The following AFAP1L1 variants were observed in gnomAD, a reference collection of about 807,000 sequenced individuals.
AFAP1L1 encodes actin filament-associated protein 1-like 1.
A neutral mutation model predicts 99.8 loss-of-function variants in AFAP1L1; 77 were observed. The observed-to-expected ratio is 0.77, with a 90% CI of 0.64 to 0.93. AFAP1L1 has a LOEUF of 0.93. AFAP1L1 is among the 40% of genes least tolerant of loss of function. AFAP1L1 has a pLI of 0.00. For missense variants in AFAP1L1, 893 were observed against 996.8 expected (o/e 0.90, Z 1.40); for synonymous variants, 373 against 395.3 (o/e 0.94, Z 0.67).
chr5:149,322,705 C>T lies in AFAP1L1; in HGVS notation c.1798C>T (p.Arg600Cys), dbSNP rs765120072. The T allele has an allele frequency of 2.6e-5, 41 of 1,583,536 alleles. No individual in the cohort carries two copies. In the East Asian group the frequency reaches 7.8e-4, roughly 30 times the overall value. ...HRVDPQVKVK[R>C]HASSANQYKY... The stretch of plus-strand genomic sequence containing the variant: ...TGTGGACCCGCAGGTCAAAGTCAAA[C>T]GCCACGCCTCCAGTGAGTTGTGTGT... Residue 600 changes from arginine (R) to cysteine (C), a missense_variant, in exon 15 of 19, where the codon CGC becomes TGC. Transcript: ENST00000296721.
In AFAP1L1 at chr5:149,299,567, C is replaced by T. The variant is rs1233995196; in HGVS notation, c.75C>T (p.Tyr25=). Reference sequence around the variant, plus strand: ...TGCTCAGCCTCCTGGACCACGAGTACCTCAGCGATACCACCCTGGAAAAGA... The same window carrying T: ...TGCTCAGCCTCCTGGACCACGAGTATCTCAGCGATACCACCCTGGAAAAGA... The part of the protein sequence containing the change: ...TGLLSLLDHE[Y]LSDTTLEKKM... Residue 25 remains tyrosine (Y), a synonymous_variant, in exon 2 of 19, where the codon TAC becomes TAT. Transcript: ENST00000296721. 1.9e-6 allele frequency: 3 copies of T among 1,614,042 alleles called. No homozygotes were observed. Among genetic ancestry groups the T allele is most frequent in the Non-Finnish European group, 2.5e-6 (3 of 1,180,010 alleles).
chr5:149,308,731 G>A (rs1756514644), intron 7 of AFAP1L1, among the ~76,000 whole-genome samples: 1 of 151,968 alleles, frequency 6.6e-6, no homozygotes, highest in African/African-American at 2.4e-5. Flanking sequence ...CAGTAGCTAG[G>A]ACCTCAAGCA....
intron 1 of AFAP1L1, chr5:149,276,541 C>T (rs1410452884): frequency 6.6e-6 from 1 of 152,216 alleles, no homozygotes; most frequent in Non-Finnish European, 1.5e-5. Context: ...GCAAATGGCA[C>T]CACCCGCAGA....
intron 4 of AFAP1L1, among the ~76,000 whole-genome samples, chr5:149,302,024 G>A (rs958232452): frequency 6.6e-6 from 1 of 152,262 alleles, no homozygotes; most frequent in Admixed American, 6.5e-5. Context: ...TCAGCACTCA[G>A]CTGCGGGTGG....
At chr5:149,281,993 T>A (rs1755533185) in intron 1 of AFAP1L1, among the ~76,000 whole-genome samples, 1 of 152,210 alleles carries the variant, frequency 6.6e-6, no homozygotes, top group South Asian at 2.1e-4. Flanking sequence ...GTATTCAGCA[T>A]TCATGAAGCT....
chr5:149,324,051 C>T (rs1370211736), intron 15 of AFAP1L1, among the ~76,000 whole-genome samples: 1 of 152,202 alleles, frequency 6.6e-6, no homozygotes, highest in Non-Finnish European at 1.5e-5. Context: ...TCCTGTTAGC[C>T]ATCACTGTGG....
chr5:149,299,599 C>T lies in AFAP1L1; in HGVS notation c.107C>T (p.Ala36Val). 3.1e-6 allele frequency: 5 copies of T among 1,614,182 alleles called. No individual in the cohort carries two copies. Among genetic ancestry groups the T allele is most frequent in the South Asian group, 1.1e-5 (1 of 91,084 alleles). The change falls in exon 2 of 19, where the codon GCC (alanine) becomes GTC (valine). Residue 36 changes from alanine (A) to valine (V), a missense_variant. Transcript: ENST00000296721. ...GATACCACCCTGGAAAAGAAGATGGCCGTGGCCTCCATCCTGCAGAGCCTG... is the reference window on the plus strand; with the variant it reads ...GATACCACCCTGGAAAAGAAGATGGTCGTGGCCTCCATCCTGCAGAGCCTG... Reference protein sequence around the residue: ...LSDTTLEKKMAVASILQSLQP... With the variant: ...LSDTTLEKKMVVASILQSLQP...
chr5:149,314,426 G>A (rs1029587001), intron 9 of AFAP1L1, among the ~76,000 whole-genome samples: 10 of 150,998 alleles, frequency 6.6e-5, no homozygotes, highest in Non-Finnish European at 1.2e-4. Flanking sequence ...AATGTTGGGG[G>A]TGGTATTTTG....
chr5:149,322,458 A>C, intron 14 of AFAP1L1, 148 bp from the exon 15 acceptor site: 2 of 548,262 alleles, frequency 3.6e-6, no homozygotes, highest in East Asian at 6.4e-5. Context: ...AAAGTGCTTT[A>C]TGATTTTTGA....
At chr5:149,299,831 T>C (rs1756135799) in intron 2 of AFAP1L1, among the ~76,000 whole-genome samples, 194 bp downstream of exon 2, 1 of 150,556 alleles carries the variant, frequency 6.6e-6, no homozygotes, top group Non-Finnish European at 1.5e-5. Context: ...CCTTGTCCAC[T>C]GGGGCCCCAC....
chr5:149,312,818 A>G (rs765279657), intron 9 of AFAP1L1, among the ~76,000 whole-genome samples: 21 of 150,906 alleles, frequency 1.4e-4, no homozygotes, highest in South Asian at 2.1e-4. Context: ...GAGAGAGAGA[A>G]AGAAAGAAAG....
intron 1 of AFAP1L1, among the ~76,000 whole-genome samples, chr5:149,284,733 G>A (rs1755624575): frequency 6.6e-6 from 1 of 152,168 alleles, no homozygotes; most frequent in Non-Finnish European, 1.5e-5. Flanking sequence ...TGGATGAGTT[G>A]TGAGCAGGAA....
At chr5:149,279,663 T>C (rs930006490) in intron 1 of AFAP1L1, among the ~76,000 whole-genome samples, 1 of 152,224 alleles carries the variant, frequency 6.6e-6, no homozygotes, top group African/African-American at 2.4e-5. Flanking sequence ...CATCAGCTAC[T>C]GTCCTTGTGG....
chr5:149,282,332 CCAGGCGCCA>C, intron 1 of AFAP1L1, among the ~76,000 whole-genome samples: 1 of 152,186 alleles, frequency 6.6e-6, no homozygotes, highest in Non-Finnish European at 1.5e-5. Context: ...CGTGCCTTTT[CCAGGCGCCA>C]TTCCCTCAAC....
At chr5:149,339,211 C>T (rs2400856) in intron 18 of AFAP1L1, among the ~76,000 whole-genome samples, 50,781 of 140,924 alleles carry the variant, frequency 0.36, 9,514 homozygotes, top group African/African-American at 0.49. Flanking sequence ...GACGGAGTCT[C>T]GCTCTGTCAC....
chr5:149,300,400 C>T (rs745480235), intron 3 of AFAP1L1, 46 bp downstream of exon 3: 2 of 1,547,160 alleles, frequency 1.3e-6, no homozygotes, highest in Non-Finnish European at 1.8e-6. Context: ...ATCCCTCTTT[C>T]CCTGTGTATG....
chr5:149,301,294 C>T, intron 4 of AFAP1L1, 64 bp downstream of exon 4: 2 of 1,502,670 alleles, frequency 1.3e-6, no homozygotes, highest in African/African-American at 1.4e-5. Flanking sequence ...GCAAGGGAAG[C>T]TCTCCCCTTC....
chr5:149,275,319 C>T (rs1273487989), intron 1 of AFAP1L1, among the ~76,000 whole-genome samples: 1 of 152,290 alleles, frequency 6.6e-6, no homozygotes, highest in African/African-American at 2.4e-5. Flanking sequence ...TGCTGGAAGT[C>T]TAAGATCAAG....
Position 149,342,512 on chromosome 5 carries a change from G to A in AFAP1L1, c.*2482G>A, listed in dbSNP as rs941122436. On this transcript the variant is annotated 3_prime_UTR_variant, in exon 19 of 19. Transcript: ENST00000296721. ...GCACACTAGCACTTAATAAATAGACGAATGAATGCATGGATGCAAGCAGCA... is the reference window on the plus strand; with the variant it reads ...GCACACTAGCACTTAATAAATAGACAAATGAATGCATGGATGCAAGCAGCA... 9.2e-5 allele frequency among the ~76,000 whole-genome samples: 14 copies of A among 152,204 alleles called. No homozygotes were observed. The highest frequency in any genetic ancestry group is 2.4e-4 in the African/African-American group (10 of 41,442).
Sources: allele counts gnomAD v4.1 joint callset (sites outside exome capture counted in the v4.1 genomes callset), GRCh38; gene constraint gnomAD v4.1.1; transcripts MANE v1.5; gene names NCBI Gene and HGNC (gene_info 2026-07-23, HGNC 2026-07-21).